TOR1B: variants seen among roughly 807,000 people sequenced by gnomAD.
TOR1B encodes the protein torsin-1B.
A neutral mutation model predicts 29.2 loss-of-function variants in TOR1B; 14 were observed. The ratio of observed to expected loss-of-function variants is 0.48; its 90% CI spans 0.32 to 0.75. The LOEUF (loss-of-function observed/expected upper bound fraction) is 0.75, where lower values mean the gene tolerates loss of function less well. Ranked by LOEUF, TOR1B falls within the 30% of genes least tolerant of loss-of-function variation. TOR1B has a pLI of 0.04. For missense variants in TOR1B, 400 were observed against 433.9 expected (o/e 0.92, Z 0.69); for synonymous variants, 166 against 179.8 (o/e 0.92, Z 0.62).
At position 129,803,204 on chromosome 9, in the gene TOR1B, A is replaced by T. The variant is rs890317313; in HGVS notation, c.-9A>T. The T allele has an allele frequency of 8.9e-6, 13 of 1,466,232 alleles. No individual in the cohort carries two copies. Among genetic ancestry groups the T allele is most frequent in the Non-Finnish European group, 1.1e-5 (12 of 1,115,522 alleles). 90.8% of individuals were successfully genotyped at this position (1,466,232 alleles called of 1,614,324 possible). A position where few individuals can be genotyped will look rare whatever the true frequency, so the allele number is the denominator to read the frequency against. On this transcript the variant is annotated 5_prime_UTR_variant, in exon 1 of 5. Coordinates refer to ENST00000259339, the MANE Select transcript of TOR1B (RefSeq NM_014506.3). ...GGCTCAGTGGCTTCTGCGGGCTTCG[A>T]GGAGCGGGATGTTGCGGGCTGGGTG...
At chr9:129,808,004 T>C (rs1383219828) in intron 3 of TOR1B, among the ~76,000 whole-genome samples, 2 of 152,144 alleles carry the variant, frequency 1.3e-5, no homozygotes, top group Non-Finnish European at 2.9e-5. Flanking sequence ...ACCACTGCAC[T>C]CCTGCCTGGG....
In TOR1B at chr9:129,809,042, C is replaced by T. The variant is rs1487530315; in HGVS notation, c.769+10C>T. 5 of 1,604,172 alleles carry T rather than the reference C, an allele frequency of 3.1e-6. No individual in the cohort carries two copies. Among genetic ancestry groups the T allele is most frequent in the Non-Finnish European group, 4.2e-6 (5 of 1,176,564 alleles). The stretch of plus-strand genomic sequence containing the variant: ...TTCAATAATAAACACAGTGAGTCCA[C>T]CAGGGTAAAGGAGCCCCTTAACTGT... On this transcript the variant is annotated intron_variant, in intron 4 of 4. Transcript: ENST00000259339.
At chr9:129,807,480 A>G (rs1178707283) in intron 3 of TOR1B, 117 bp downstream of exon 3, 1 of 1,226,882 alleles carries the variant, frequency 8.2e-7, no homozygotes, top group Non-Finnish European at 1.2e-6. Flanking sequence ...GCTTGGCACA[A>G]GGCACTTACC....
chr9:129,803,983 GCTT>G, intron 1 of TOR1B, 87 bp from the exon 2 acceptor site: 1 of 1,545,646 alleles, frequency 6.5e-7, no homozygotes, highest in Non-Finnish European at 8.8e-7. Flanking sequence ...GATAATCTGT[GCTT>G]CTTGCTTTGG....
rs756091262 is a variant in TOR1B at position 129,803,293 on chromosome 9, C to A, written c.81C>A (p.Pro27=). The part of the protein sequence containing the change: ...LAARVVAAFE[P]ITVGLAIGAA... ...CCCGAGTGGTGGCGGCGTTCGAGCC[C>A]ATCACCGTGGGCCTAGCCATCGGGG... The change falls in exon 1 of 5, where the codon CCC becomes CCA. Residue 27 remains proline (P), a synonymous_variant. Transcript: ENST00000259339. 2 of 1,581,540 alleles carry A rather than the reference C, an allele frequency of 1.3e-6. No individual in the cohort carries two copies. The highest frequency in any genetic ancestry group is 1.7e-5 in the Admixed American group (1 of 57,486).
chr9:129,803,205 G>A lies in TOR1B; in HGVS notation c.-8G>A, dbSNP rs751211813. Reference sequence around the variant, plus strand: ...GCTCAGTGGCTTCTGCGGGCTTCGAGGAGCGGGATGTTGCGGGCTGGGTGG... The same window carrying A: ...GCTCAGTGGCTTCTGCGGGCTTCGAAGAGCGGGATGTTGCGGGCTGGGTGG... On this transcript the variant is annotated 5_prime_UTR_variant, in exon 1 of 5. Transcript: ENST00000259339. 6.8e-7 allele frequency: 1 copy of A among 1,468,806 alleles called. No individual in the cohort carries two copies. Among genetic ancestry groups the A allele is most frequent in the Middle Eastern group, 2.4e-4 (1 of 4,240 alleles). The allele number at this position is 1,468,806 out of a possible 1,614,324, so 91.0% of individuals were successfully genotyped here.
intron 2 of TOR1B, among the ~76,000 whole-genome samples, chr9:129,806,895 AAAG>A (rs1311107113): frequency 6.6e-6 from 1 of 151,972 alleles, no homozygotes; most frequent in Non-Finnish European, 1.5e-5. Flanking sequence ...CAAAGACAAA[AAAG>A]AGAAGAAAAG....
chr9:129,807,086 C>G (rs1185840890), intron 2 of TOR1B, 102 bp from the exon 3 acceptor site: 19 of 1,198,284 alleles, frequency 1.6e-5, no homozygotes, highest in Non-Finnish European at 2.1e-5. Context: ...TCTAAGAGCT[C>G]TGACCTCGTC....
In TOR1B at chr9:129,809,789, C is replaced by A; in HGVS notation, c.*206C>A. 1 of 1,401,068 alleles carries A rather than the reference C, an allele frequency of 7.1e-7. No individual in the cohort carries two copies. The allele number at this position is 1,401,068 out of a possible 1,614,324, so 86.8% of individuals were successfully genotyped here. ...GCAATCCTCAACTCACTGCAACCTC[C>A]GCTCCCGGTTTGAGTGATTCTCATG... On this transcript the variant is annotated 3_prime_UTR_variant, in exon 5 of 5. Transcript: ENST00000259339.
chr9:129,803,502 G>T (rs1400529325), intron 1 of TOR1B, 91 bp downstream of exon 1: 24 of 1,231,276 alleles, frequency 1.9e-5, no homozygotes, highest in South Asian at 3.2e-5. Context: ...GCCTGGCACG[G>T]ACCGGGCCCG....
chr9:129,807,377 G>A lies in TOR1B; in HGVS notation c.641+14G>A, dbSNP rs368312282. The stretch of plus-strand genomic sequence containing the variant: ...CATCTTTCTCAGGTCAGCGGGAGGC[G>A]GTTTTTTGGGGCACACAAGCCCTTC... On this transcript the variant is annotated intron_variant, in intron 3 of 4. Coordinates refer to ENST00000259339, the MANE Select transcript of TOR1B (RefSeq NM_014506.3). The A allele has an allele frequency of 5.1e-5, 82 of 1,611,526 alleles. 1 individual carries two copies. The highest frequency in any genetic ancestry group is 2.5e-4 in the South Asian group (23 of 90,874).
Position 129,809,691 on chromosome 9 carries a change from T to C in TOR1B, c.*108T>C. ...CTTTGGGGTTTTGCCTGTTTGCACCTTAGACTTTTGGGTATAGAATCTTTT... is the reference window on the plus strand; with the variant it reads ...CTTTGGGGTTTTGCCTGTTTGCACCCTAGACTTTTGGGTATAGAATCTTTT... On this transcript the variant is annotated 3_prime_UTR_variant, in exon 5 of 5. Coordinates refer to ENST00000259339, the MANE Select transcript of TOR1B (RefSeq NM_014506.3). 1 of 1,528,002 alleles carries C rather than the reference T, an allele frequency of 6.5e-7. No individual in the cohort carries two copies. Among genetic ancestry groups the C allele is most frequent in the Non-Finnish European group, 8.7e-7 (1 of 1,146,266 alleles). 94.7% of individuals were successfully genotyped at this position (1,528,002 alleles called of 1,614,324 possible). A position where few individuals can be genotyped will look rare whatever the true frequency, so the allele number is the denominator to read the frequency against.
chr9:129,807,410 C>T (rs1423469859), intron 3 of TOR1B, 47 bp downstream of exon 3: 1 of 1,602,162 alleles, frequency 6.2e-7, no homozygotes, highest in Non-Finnish European at 8.5e-7. Flanking sequence ...TTCATTCTCT[C>T]AATGATAAAA....
intron 2 of TOR1B, among the ~76,000 whole-genome samples, chr9:129,805,172 G>A (rs1400879639): frequency 6.6e-6 from 1 of 150,396 alleles, no homozygotes; most frequent in Non-Finnish European, 1.5e-5. Flanking sequence ...TGTAGTCAGG[G>A]CCAGGTGCAG....
rs1588211664 is a variant in TOR1B at position 129,809,646 on chromosome 9, CAGA to C, written c.*68_*70del. On this transcript the variant is annotated 3_prime_UTR_variant, in exon 5 of 5. Coordinates refer to ENST00000259339, the MANE Select transcript of TOR1B (RefSeq NM_014506.3). ...TCCGCACGCCAGAGGCCTTGCCTTT[CAGA>C]AGAACCCTGAAGACCGCTTTGGGGT... The C allele has an allele frequency of 1.3e-6, 2 of 1,598,246 alleles. No homozygotes were observed. The highest frequency in any genetic ancestry group is 1.3e-5 in the African/African-American group (1 of 74,370).
At position 129,810,640 on chromosome 9, in the gene TOR1B, C is replaced by T; in HGVS notation, c.*1057C>T. The T allele has an allele frequency of 5.3e-6, 1 of 187,686 alleles. No homozygotes were observed. Among genetic ancestry groups the T allele is most frequent in the Non-Finnish European group, 1.1e-5 (1 of 91,126 alleles). 11.6% of individuals were successfully genotyped at this position (187,686 alleles called of 1,614,324 possible). Reference sequence around the variant, plus strand: ...TAAGACTTTATACTTGGGTCAATCTCTCACTTTATTTTGTAGAACCATTTG... The same window carrying T: ...TAAGACTTTATACTTGGGTCAATCTTTCACTTTATTTTGTAGAACCATTTG... On this transcript the variant is annotated 3_prime_UTR_variant, in exon 5 of 5. Coordinates refer to ENST00000259339, the MANE Select transcript of TOR1B (RefSeq NM_014506.3).
chr9:129,804,031 T>G (rs1337182810), intron 1 of TOR1B, 42 bp from the exon 2 acceptor site: 1 of 1,607,800 alleles, frequency 6.2e-7, no homozygotes, highest in South Asian at 1.1e-5. Context: ...TGATGCATTT[T>G]TAAGGTCTGT....
In TOR1B at chr9:129,809,151, G is replaced by C. The variant is rs183248990; in HGVS notation, c.769+119G>C. The stretch of plus-strand genomic sequence containing the variant: ...GGATTTCCTCACTTTGCTAAAGTCA[G>C]GAATTTTCTTAGGGCATACTGTGCT... On this transcript the variant is annotated intron_variant, in intron 4 of 4. Transcript: ENST00000259339. 5.5e-4 allele frequency: 829 copies of C among 1,519,572 alleles called. 2 individuals are homozygous for C. The African/African-American group carries it at 0.01, about 19-fold the overall frequency. The allele number at this position is 1,519,572 out of a possible 1,614,324, so 94.1% of individuals were successfully genotyped here.
intron 3 of TOR1B, among the ~76,000 whole-genome samples, chr9:129,807,812 C>T (rs907411144): frequency 2.6e-5 from 4 of 150,946 alleles, no homozygotes; most frequent in Non-Finnish European, 5.9e-5. Flanking sequence ...CACCACTGCA[C>T]TCCAGCCTGG....
Sources: allele counts gnomAD v4.1 joint callset (sites outside exome capture counted in the v4.1 genomes callset), GRCh38; gene constraint gnomAD v4.1.1; transcripts MANE v1.5; gene names NCBI Gene and HGNC (gene_info 2026-07-23, HGNC 2026-07-21).